ERC2: variants seen among roughly 807,000 people sequenced by gnomAD.
ERC2 encodes ELKS/RAB6-interacting/CAST family member 2, also known as ERC protein 2.
A neutral mutation model predicts 114.8 loss-of-function variants in ERC2; 42 were observed. The ratio of observed to expected loss-of-function variants is 0.37; its 90% CI spans 0.29 to 0.47. The LOEUF (loss-of-function observed/expected upper bound fraction) is 0.47, where lower values mean the gene tolerates loss of function less well. Ranked by LOEUF, ERC2 falls within the 20% of genes least tolerant of loss-of-function variation. ERC2 has a pLI of 0.99. For synonymous variants in ERC2, 454 were observed against 425.5 expected, an observed-to-expected ratio of 1.07 and a Z score of -0.82; for missense variants, 939 against 1,150.7, an observed-to-expected ratio of 0.82 and a Z score of 2.66.
intron 14 of ERC2, among the ~76,000 whole-genome samples, chr3:55,839,831 G>C (rs1394852092): frequency 6.6e-6 from 1 of 151,806 alleles, no homozygotes; most frequent in East Asian, 1.9e-4. Context: ...ATTTAAATCT[G>C]GCCATAACAA....
At chr3:55,727,812 TAGA>T (rs1173161526) in intron 15 of ERC2, among the ~76,000 whole-genome samples, 1 of 152,190 alleles carries the variant, frequency 6.6e-6, no homozygotes, top group African/African-American at 2.4e-5. Context: ...AGATTTGAAC[TAGA>T]AGAAGGTAAA....
At chr3:56,228,712 C>A (rs747671778) in intron 3 of ERC2, among the ~76,000 whole-genome samples, 7 of 152,006 alleles carry the variant, frequency 4.6e-5, no homozygotes, top group Non-Finnish European at 1.0e-4. Context: ...GTGTATGTAC[C>A]CAGAGGGTAT....
Position 56,434,333 on chromosome 3 carries a change from A to G in ERC2, c.657+18T>C. 1 of 1,606,146 alleles carries G rather than the reference A, an allele frequency of 6.2e-7. No individual in the cohort carries two copies. The highest frequency in any genetic ancestry group is 1.1e-5 in the South Asian group (1 of 90,418). On this transcript the variant is annotated intron_variant, in intron 2 of 17. Coordinates refer to ENST00000288221, the MANE Select transcript of ERC2 (RefSeq NM_015576.3). ...GAGAAGCCAAGGCTGAAAAATACTG[A>G]GATGAGTCATGACCTACCTGATTTT...
intron 7 of ERC2, among the ~76,000 whole-genome samples, chr3:56,059,236 G>T (rs548204706): frequency 6.6e-6 from 1 of 151,894 alleles, no homozygotes; most frequent in Non-Finnish European, 1.5e-5. Context: ...GACTATTGGC[G>T]CCCGCCAACA....
At chr3:56,312,978 AATATTTAGTGAATATGTATATTC>A (rs1209941739) in intron 2 of ERC2, among the ~76,000 whole-genome samples, 1 of 124,818 alleles carries the variant, frequency 8.0e-6, no homozygotes, top group Non-Finnish European at 1.6e-5. Flanking sequence ...TATGGTCCTT[AATATTTAGTGAATATGTATATTC>A]ATATATATAT....
chr3:55,985,655 T>C (rs1338696895), intron 12 of ERC2, among the ~76,000 whole-genome samples: 1 of 152,220 alleles, frequency 6.6e-6, no homozygotes, highest in Non-Finnish European at 1.5e-5. Flanking sequence ...CTCCACGTTG[T>C]ATCATCCTGC....
intron 14 of ERC2, among the ~76,000 whole-genome samples, chr3:55,841,555 C>T (rs888353310): frequency 6.6e-6 from 1 of 152,072 alleles, no homozygotes; most frequent in Admixed American, 6.6e-5. Flanking sequence ...TGGCAACAAC[C>T]AAAACAATAC....
At chr3:56,317,224 A>T (rs1260160786) in intron 2 of ERC2, among the ~76,000 whole-genome samples, 2 of 152,192 alleles carry the variant, frequency 1.3e-5, no homozygotes, top group African/African-American at 4.8e-5. Flanking sequence ...ACCTTAAGTG[A>T]GGCCTAGAAC....
chr3:55,639,988 G>A (rs1239862065), intron 17 of ERC2, among the ~76,000 whole-genome samples: 1 of 152,168 alleles, frequency 6.6e-6, no homozygotes, highest in East Asian at 1.9e-4. Context: ...CAGGGCAGGA[G>A]CCCCAGGGAA....
At chr3:56,032,460 A>G (rs765698949) in intron 7 of ERC2, among the ~76,000 whole-genome samples, 3 of 152,202 alleles carry the variant, frequency 2.0e-5, no homozygotes, top group Non-Finnish European at 4.4e-5. Flanking sequence ...AGAGAAAGAG[A>G]AAGGGGCAGA....
intron 5 of ERC2, among the ~76,000 whole-genome samples, chr3:56,146,037 A>G (rs904705401): frequency 2.6e-5 from 4 of 152,214 alleles, no homozygotes; most frequent in Non-Finnish European, 5.9e-5. Flanking sequence ...CTGTAATCCC[A>G]GCACTTTGGG....
intron 4 of ERC2, among the ~76,000 whole-genome samples, chr3:56,153,481 T>C (rs2081538683): frequency 6.6e-6 from 1 of 152,170 alleles, no homozygotes; most frequent in South Asian, 2.1e-4. Flanking sequence ...GACTGACCAA[T>C]GCAGAAGACA....
chr3:56,209,370 T>C (rs925850369), intron 3 of ERC2, among the ~76,000 whole-genome samples: 1 of 151,968 alleles, frequency 6.6e-6, no homozygotes. Context: ...ACACCACAAC[T>C]CTCCTTGGTC....
intron 13 of ERC2, among the ~76,000 whole-genome samples, chr3:55,932,042 G>A (rs2066126263): frequency 6.6e-6 from 1 of 152,152 alleles, no homozygotes; most frequent in Non-Finnish European, 1.5e-5. Context: ...AACCTAACAA[G>A]TCTCCTCCCA....
At chr3:56,051,783 G>A (rs935370783) in intron 7 of ERC2, among the ~76,000 whole-genome samples, 9 of 151,134 alleles carry the variant, frequency 6.0e-5, no homozygotes, top group Admixed American at 1.3e-4. Context: ...CCGAGATCGC[G>A]CCACTGCACT....
intron 17 of ERC2, chr3:55,658,177 T>A (rs1366180698): frequency 2.0e-5 from 3 of 152,280 alleles, no homozygotes; most frequent in Admixed American, 6.5e-5. Flanking sequence ...CAGGGATCTG[T>A]CTCTGCCTCT....
At chr3:56,190,012 C>G (rs749579380) in intron 3 of ERC2, among the ~76,000 whole-genome samples, 12 of 152,162 alleles carry the variant, frequency 7.9e-5, no homozygotes, top group Non-Finnish European at 1.6e-4. Flanking sequence ...CAAAATGGTT[C>G]ATCTTTAGCA....
intron 2 of ERC2, among the ~76,000 whole-genome samples, chr3:56,429,330 C>T (rs577606758): frequency 2.1e-4 from 32 of 152,294 alleles, no homozygotes; most frequent in African/African-American, 7.5e-4. Flanking sequence ...GGCTACCTCG[C>T]GTAACAGTGT....
intron 14 of ERC2, among the ~76,000 whole-genome samples, chr3:55,763,313 G>A (rs1261173627): frequency 6.6e-6 from 1 of 152,210 alleles, no homozygotes; most frequent in Non-Finnish European, 1.5e-5. Flanking sequence ...GGTGGAATGT[G>A]GCTTAACTTA....
Sources: gnomAD v4.1 joint callset for allele counts (sites outside exome capture counted in the v4.1 genomes callset) on GRCh38, gnomAD v4.1.1 for gene constraint, MANE v1.5 for transcripts, NCBI Gene and HGNC (gene_info 2026-07-23, HGNC 2026-07-21) for gene names.